Variants in QTMAN observed in about 807,000 individuals in gnomAD.
QTMAN encodes queuosine-tRNA mannosyltransferase.
chr2:144,179,504 T>C, the QTMAN span, among the ~76,000 whole-genome samples: 107 of 152,308 alleles, frequency 7.0e-4, no homozygotes, highest in East Asian at 0.02. Flanking sequence ...GAGTGCATGA[T>C]ACAATTAAGC....
At chr2:144,318,236 T>C in the QTMAN span, among the ~76,000 whole-genome samples, 16 of 135,738 alleles carry the variant, frequency 1.2e-4, no homozygotes, top group African/African-American at 4.2e-4. Flanking sequence ...CACACACAAA[T>C]TGTGGTCCTT....
the QTMAN span, among the ~76,000 whole-genome samples, chr2:143,962,440 C>T: frequency 6.6e-6 from 1 of 152,092 alleles, no homozygotes; most frequent in Admixed American, 6.6e-5. Context: ...TTTGAAGAAC[C>T]TCCCCCGCTA....
At chr2:144,298,943 T>C in the QTMAN span, among the ~76,000 whole-genome samples, 1 of 152,196 alleles carries the variant, frequency 6.6e-6, no homozygotes, top group Non-Finnish European at 1.5e-5. Context: ...TTCTAACCCC[T>C]GGTGGTACAC....
At chr2:144,002,813 AAAG>A in the QTMAN span, among the ~76,000 whole-genome samples, 1 of 151,936 alleles carries the variant, frequency 6.6e-6, no homozygotes, top group African/African-American at 2.4e-5. Flanking sequence ...GTATAGTATC[AAAG>A]AAGAATATCT....
chr2:144,316,771 C>A, the QTMAN span, among the ~76,000 whole-genome samples: 2 of 152,168 alleles, frequency 1.3e-5, no homozygotes, highest in African/African-American at 4.8e-5. Flanking sequence ...TTAAAATCTC[C>A]CTACATGTAT....
At chr2:144,039,233 C>T in the QTMAN span, among the ~76,000 whole-genome samples, 2 of 152,078 alleles carry the variant, frequency 1.3e-5, no homozygotes, top group African/African-American at 2.4e-5. Flanking sequence ...AATATGCGAA[C>T]GTGCTTTGTG....
chr2:144,130,129 A>G, the QTMAN span, among the ~76,000 whole-genome samples: 1 of 151,518 alleles, frequency 6.6e-6, no homozygotes, highest in South Asian at 2.1e-4. Context: ...TGTAATAGTA[A>G]TTTACACTTT....
the QTMAN span, among the ~76,000 whole-genome samples, chr2:144,010,289 T>G: frequency 6.6e-6 from 1 of 152,088 alleles, no homozygotes; most frequent in Non-Finnish European, 1.5e-5. Context: ...GAGGCCTACT[T>G]TTATTCAACA....
chr2:144,154,672 T>C, the QTMAN span, among the ~76,000 whole-genome samples: 1 of 152,240 alleles, frequency 6.6e-6, no homozygotes, highest in South Asian at 2.1e-4. Context: ...TAGTCTGTTA[T>C]ATAATTTTAC....
At chr2:144,180,308 CA>C in the QTMAN span, among the ~76,000 whole-genome samples, 8 of 151,710 alleles carry the variant, frequency 5.3e-5, no homozygotes, top group Admixed American at 2.0e-4. Flanking sequence ...AAATGGAAAC[CA>C]AGATTTTTTG....
chr2:144,289,204 C>A, the QTMAN span, among the ~76,000 whole-genome samples: 9 of 152,140 alleles, frequency 5.9e-5, no homozygotes, highest in Non-Finnish European at 1.2e-4. Context: ...CAGCTAGAGA[C>A]AGGGTTTAAT....
chr2:144,184,745 T>C, the QTMAN span, among the ~76,000 whole-genome samples: 1 of 152,200 alleles, frequency 6.6e-6, no homozygotes, highest in Non-Finnish European at 1.5e-5. Context: ...GTATCTGTTA[T>C]TTCATTTGCA....
chr2:144,010,866 CG>C, the QTMAN span, among the ~76,000 whole-genome samples: 8 of 151,872 alleles, frequency 5.3e-5, no homozygotes, highest in Non-Finnish European at 1.0e-4. Flanking sequence ...CCAGGAGTAA[CG>C]GGATGAAATT....
the QTMAN span, among the ~76,000 whole-genome samples, chr2:143,970,034 G>A: frequency 6.6e-6 from 1 of 152,196 alleles, no homozygotes; most frequent in African/African-American, 2.4e-5. Context: ...GTGTGCTTAT[G>A]AATCCTCATT....
the QTMAN span, among the ~76,000 whole-genome samples, chr2:143,975,855 T>G: frequency 6.6e-6 from 1 of 152,176 alleles, no homozygotes. Flanking sequence ...GGGTTGGGTT[T>G]AAGCAACTGA....
the QTMAN span, among the ~76,000 whole-genome samples, chr2:144,318,075 C>T: frequency 6.6e-6 from 1 of 152,014 alleles, no homozygotes; most frequent in African/African-American, 2.4e-5. Context: ...TGAAGGCCTC[C>T]AGAAAGGCCA....
the QTMAN span, among the ~76,000 whole-genome samples, chr2:144,182,030 G>A: frequency 1.2e-4 from 18 of 151,706 alleles, no homozygotes; most frequent in Non-Finnish European, 2.4e-4. Flanking sequence ...CAACCCAAAA[G>A]TGCCAAACTT....
chr2:144,007,743 T>C, the QTMAN span, among the ~76,000 whole-genome samples: 3,758 of 152,154 alleles, frequency 0.025, 152 homozygotes, highest in African/African-American at 0.086. Flanking sequence ...TTTGAATAGT[T>C]TCCAAAGAGT....
the QTMAN span, among the ~76,000 whole-genome samples, chr2:144,079,552 G>A: frequency 6.6e-6 from 1 of 152,096 alleles, no homozygotes; most frequent in East Asian, 1.9e-4. Context: ...TTGGGGAAGG[G>A]GATTTTATTT....
Sources: allele counts gnomAD v4.1 joint callset (sites outside exome capture counted in the v4.1 genomes callset), GRCh38; gene constraint gnomAD v4.1.1; transcripts MANE v1.5; gene names NCBI Gene and HGNC (gene_info 2026-07-23, HGNC 2026-07-21).